DYNLT5: variants seen among roughly 807,000 people sequenced by gnomAD.
DYNLT5 encodes dynein light chain Tctex-type family member 5, also known as dynein light chain Tctex-type 5.
A neutral mutation model predicts 19.3 loss-of-function variants in DYNLT5; 25 were observed. That is an observed-to-expected ratio of 1.30 (90% CI 0.95 to 1.81). The LOEUF (loss-of-function observed/expected upper bound fraction) is 1.81. Among genes scored for constraint, DYNLT5 ranks in the 40% most tolerant of loss-of-function variants. The probability of loss-of-function intolerance (pLI) is 0.00; values close to 1 mark genes in which losing one functional copy is unlikely to be tolerated. For missense variants in DYNLT5, 232 were observed against 217.9 expected, an observed-to-expected ratio of 1.06 and a Z score of -0.41; for synonymous variants, 82 against 68.9, an observed-to-expected ratio of 1.19 and a Z score of -0.94.
chr1:66,756,848 C>T (rs2094636833), intron 2 of DYNLT5, among the ~76,000 whole-genome samples: 1 of 152,202 alleles, frequency 6.6e-6, no homozygotes, highest in Non-Finnish European at 1.5e-5. Flanking sequence ...CTCTATCTGG[C>T]CCCCAGCCAT....
chr1:66,759,569 T>A (rs748369907), intron 2 of DYNLT5, among the ~76,000 whole-genome samples: 6 of 152,070 alleles, frequency 3.9e-5, no homozygotes, highest in Non-Finnish European at 2.9e-5. Context: ...TTTAAAATAG[T>A]CAAAGAAGAC....
At chr1:66,772,540 C>G (rs1433387209) in intron 3 of DYNLT5, among the ~76,000 whole-genome samples, 1 of 152,228 alleles carries the variant, frequency 6.6e-6, no homozygotes, top group Non-Finnish European at 1.5e-5. Flanking sequence ...AATATCCAAA[C>G]TATATCAGTG....
intron 3 of DYNLT5, chr1:66,770,861 A>G (rs1323206991): frequency 2.5e-5 from 7 of 279,760 alleles, no homozygotes; most frequent in Non-Finnish European, 4.8e-5. Flanking sequence ...AAAAAAACTC[A>G]AAGCAAAGGC....
intron 1 of DYNLT5, among the ~76,000 whole-genome samples, chr1:66,753,825 CT>C (rs1463688285): frequency 6.6e-6 from 1 of 151,972 alleles, no homozygotes; most frequent in Non-Finnish European, 1.5e-5. Flanking sequence ...TGGTGCAGGC[CT>C]GTAGTCCTAG....
At chr1:66,774,385 T>C (rs1014876373) in intron 3 of DYNLT5, among the ~76,000 whole-genome samples, 3 of 137,944 alleles carry the variant, frequency 2.2e-5, no homozygotes, top group Admixed American at 1.5e-4. Context: ...CAGGAGATGA[T>C]GGGGAGATCT....
At chr1:66,764,423 G>A (rs1013840581) in intron 2 of DYNLT5, among the ~76,000 whole-genome samples, 1 of 152,124 alleles carries the variant, frequency 6.6e-6, no homozygotes, top group Non-Finnish European at 1.5e-5. Flanking sequence ...CAATATTGTT[G>A]TGTCACAGGA....
At chr1:66,757,239 T>A (rs974247849) in intron 2 of DYNLT5, among the ~76,000 whole-genome samples, 1 of 152,222 alleles carries the variant, frequency 6.6e-6, no homozygotes, top group African/African-American at 2.4e-5. Flanking sequence ...GATTTAGCCC[T>A]ACAGTCTTGG....
chr1:66,759,469 A>T (rs1461298548), intron 2 of DYNLT5, among the ~76,000 whole-genome samples: 1 of 152,204 alleles, frequency 6.6e-6, no homozygotes. Context: ...TCAACAAAGG[A>T]TACAATAGAC....
At chr1:66,767,845 C>G (rs550178076) in intron 2 of DYNLT5, among the ~76,000 whole-genome samples, 71 of 152,284 alleles carry the variant, frequency 4.7e-4, no homozygotes, top group Non-Finnish European at 8.7e-4. Flanking sequence ...CTCCTATAGG[C>G]TGCATTAGTT....
intron 2 of DYNLT5, 116 bp from the exon 3 acceptor site, chr1:66,770,267 GACTT>G (rs1361960905): frequency 1.5e-6 from 1 of 681,020 alleles, no homozygotes; most frequent in Non-Finnish European, 2.6e-6. Context: ...ATTTACATAA[GACTT>G]ACTTGAAATT....
At chr1:66,770,296 C>A (rs765041750) in intron 2 of DYNLT5, 91 bp from the exon 3 acceptor site, 40 of 877,750 alleles carry the variant, frequency 4.6e-5, no homozygotes, top group Non-Finnish European at 6.9e-5. Context: ...GAGAAAACTT[C>A]ATCTTTGTAA....
chr1:66,754,279 A>G (rs966129193), intron 1 of DYNLT5, among the ~76,000 whole-genome samples: 4 of 152,222 alleles, frequency 2.6e-5, no homozygotes, highest in Non-Finnish European at 4.4e-5. Flanking sequence ...ATTAATTAGC[A>G]AAGTTGTATT....
chr1:66,762,145 C>T (rs1205882620), intron 2 of DYNLT5, among the ~76,000 whole-genome samples: 2 of 152,116 alleles, frequency 1.3e-5, no homozygotes, highest in Non-Finnish European at 2.9e-5. Flanking sequence ...AGTTCCATTT[C>T]TTTTTTAACC....
chr1:66,758,827 A>G (rs138084356), intron 2 of DYNLT5, among the ~76,000 whole-genome samples: 2 of 152,194 alleles, frequency 1.3e-5, no homozygotes, highest in Non-Finnish European at 2.9e-5. Flanking sequence ...TTATTCTATC[A>G]TTCAATCTAT....
At chr1:66,773,796 T>C (rs539547537) in intron 3 of DYNLT5, among the ~76,000 whole-genome samples, 15 of 152,228 alleles carry the variant, frequency 9.9e-5, no homozygotes, top group African/African-American at 3.1e-4. Flanking sequence ...TTCAGGTCTT[T>C]GCCTTTTGAT....
Position 66,778,710 on chromosome 1 carries a change from C to T in DYNLT5, c.*1256C>T, listed in dbSNP as rs1212554085. ...GTGTCTTACTTTTCCCTAAAAATGA[C>T]ATGTAGTAAAAAATGGATACTTTTA... On this transcript the variant is annotated 3_prime_UTR_variant, in exon 5 of 5. Coordinates refer to ENST00000282670, the MANE Select transcript of DYNLT5 (RefSeq NM_152665.3). 1 of 152,432 alleles carries T rather than the reference C, an allele frequency of 6.6e-6. No individual in the cohort carries two copies. Among genetic ancestry groups the T allele is most frequent in the Non-Finnish European group, 1.5e-5 (1 of 68,006 alleles). The allele number at this position is 152,432 out of a possible 1,614,324, so 9.4% of individuals were successfully genotyped here.
intron 2 of DYNLT5, among the ~76,000 whole-genome samples, chr1:66,758,179 T>C (rs1278987221): frequency 6.6e-6 from 1 of 152,212 alleles, no homozygotes; most frequent in Non-Finnish European, 1.5e-5. Context: ...AATCCATGTG[T>C]GATTTGCATT....
intron 2 of DYNLT5, 140 bp downstream of exon 2, chr1:66,754,917 C>A: frequency 1.3e-6 from 1 of 780,042 alleles, no homozygotes; most frequent in Non-Finnish European, 1.8e-6. Flanking sequence ...CTTTAGGGGC[C>A]ATATTTAAAA....
rs934428624 is a variant in DYNLT5 at position 66,765,320 on chromosome 1, T to G, written c.120-5067T>G. Among the ~76,000 whole-genome samples, 3 of 152,340 alleles carry G rather than the reference T, an allele frequency of 2.0e-5. No homozygotes were observed. The South Asian group carries it at 6.2e-4, about 32-fold the overall frequency. The stretch of plus-strand genomic sequence containing the variant: ...GAAGGAAAAGATGATATTCTGACCT[T>G]TAAAGATACTACTTTAATGTCTCTA... On this transcript the variant is annotated intron_variant, in intron 2 of 4. Coordinates refer to ENST00000282670, the MANE Select transcript of DYNLT5 (RefSeq NM_152665.3).
Sources: allele counts gnomAD v4.1 joint callset (sites outside exome capture counted in the v4.1 genomes callset), GRCh38; gene constraint gnomAD v4.1.1; transcripts MANE v1.5; gene names NCBI Gene and HGNC (gene_info 2026-07-23, HGNC 2026-07-21).